Variants in EVI5 observed in about 807,000 individuals in gnomAD.
EVI5 encodes the protein ecotropic viral integration site 5, also known as ecotropic viral integration site 5 protein homolog.
A neutral mutation model predicts 112.0 loss-of-function variants in EVI5; 73 were observed. The ratio of observed to expected loss-of-function variants is 0.65; its 90% CI spans 0.54 to 0.79. The LOEUF (loss-of-function observed/expected upper bound fraction) is 0.79, where lower values mean the gene tolerates loss of function less well. EVI5 is among the 30% of genes least tolerant of loss of function. The probability of loss-of-function intolerance (pLI) is 0.00; values close to 1 mark genes in which losing one functional copy is unlikely to be tolerated. For missense variants in EVI5, 900 were observed against 968.8 expected, an observed-to-expected ratio of 0.93 and a Z score of 0.94; for synonymous variants, 305 against 319.9, an observed-to-expected ratio of 0.95 and a Z score of 0.50.
intron 16 of EVI5, among the ~76,000 whole-genome samples, chr1:92,613,525 G>C (rs1490595449): frequency 6.6e-6 from 1 of 152,012 alleles, no homozygotes; most frequent in Non-Finnish European, 1.5e-5. Flanking sequence ...CCTGACCTCA[G>C]GTCATCCACC....
intron 2 of EVI5, among the ~76,000 whole-genome samples, chr1:92,720,569 A>T (rs1394776602): frequency 6.6e-6 from 1 of 152,204 alleles, no homozygotes; most frequent in Non-Finnish European, 1.5e-5. Flanking sequence ...AACCATAAAA[A>T]CCCTAGAAGA....
chr1:92,634,252 C>G (rs1658188750), intron 14 of EVI5, among the ~76,000 whole-genome samples: 2 of 152,182 alleles, frequency 1.3e-5, no homozygotes, highest in African/African-American at 4.8e-5. Flanking sequence ...GGGAAGTTCT[C>G]CTGGATAATA....
chr1:92,597,774 C>T (rs1387277727), intron 18 of EVI5, among the ~76,000 whole-genome samples: 10 of 152,190 alleles, frequency 6.6e-5, no homozygotes, highest in African/African-American at 2.2e-4. Flanking sequence ...AATATAGCAA[C>T]GAGGCTGTGT....
At chr1:92,700,458 A>AT (rs545256971) in intron 5 of EVI5, among the ~76,000 whole-genome samples, 16 of 152,352 alleles carry the variant, frequency 1.1e-4, no homozygotes, top group Middle Eastern at 3.4e-3. Context: ...GCCCTGGGCC[A>AT]TAAGTGACTA....
chr1:92,607,511 C>G (rs778232525), intron 17 of EVI5, 70 bp downstream of exon 17: 4 of 1,096,518 alleles, frequency 3.6e-6, no homozygotes, highest in Non-Finnish European at 5.0e-6. Flanking sequence ...AATCTAATCA[C>G]GATAAAACAA....
At chr1:92,541,046 C>A (rs1451801981) in intron 19 of EVI5, among the ~76,000 whole-genome samples, 1 of 152,064 alleles carries the variant, frequency 6.6e-6, no homozygotes, top group Non-Finnish European at 1.5e-5. Context: ...TGCACTCCAG[C>A]CTGAGTGACA....
At chr1:92,775,875 G>A (rs1356756325) in intron 1 of EVI5, among the ~76,000 whole-genome samples, 2 of 152,082 alleles carry the variant, frequency 1.3e-5, no homozygotes, top group East Asian at 1.9e-4. Context: ...TTGGGAGGCC[G>A]AGGCAGGTGG....
chr1:92,702,251 T>TA, intron 4 of EVI5, 36 bp from the exon 5 acceptor site: 1 of 1,106,148 alleles, frequency 9.0e-7, no homozygotes. Context: ...AAATACATGG[T>TA]AAGTTATACC....
At chr1:92,773,482 C>T (rs1193445361) in intron 1 of EVI5, among the ~76,000 whole-genome samples, 5 of 152,040 alleles carry the variant, frequency 3.3e-5, no homozygotes, top group Non-Finnish European at 7.4e-5. Flanking sequence ...CAGAGCAAGA[C>T]CCCCAAAAAT....
intron 13 of EVI5, among the ~76,000 whole-genome samples, chr1:92,652,913 T>C (rs1264960848): frequency 2.0e-5 from 3 of 152,102 alleles, no homozygotes; most frequent in African/African-American, 7.2e-5. Context: ...CCCCGAGGGA[T>C]TTGGTATCTA....
chr1:92,686,760 C>T (rs1050368018), intron 9 of EVI5, among the ~76,000 whole-genome samples: 1 of 151,188 alleles, frequency 6.6e-6, no homozygotes, highest in African/African-American at 2.4e-5. Flanking sequence ...AATAGACAAA[C>T]AGCCAAATCA....
chr1:92,771,329 C>A (rs1683380174), intron 1 of EVI5, among the ~76,000 whole-genome samples: 2 of 152,038 alleles, frequency 1.3e-5, no homozygotes, highest in Admixed American at 6.6e-5. Context: ...ACACACACTC[C>A]CAGAGATATC....
At chr1:92,787,200 A>G (rs1199842617), upstream of EVI5, among the ~76,000 whole-genome samples, 2 of 152,232 alleles carry the variant, frequency 1.3e-5, no homozygotes, top group Non-Finnish European at 2.9e-5. Flanking sequence ...GCTAAAACTT[A>G]AACTAAATTT....
At chr1:92,591,849 A>T (rs1261112628) in intron 18 of EVI5, among the ~76,000 whole-genome samples, 2 of 152,238 alleles carry the variant, frequency 1.3e-5, no homozygotes, top group Admixed American at 6.5e-5. Flanking sequence ...AATTGACCAT[A>T]TAGTTGGAAG....
At chr1:92,784,658 G>C (rs1685373600) in intron 1 of EVI5, among the ~76,000 whole-genome samples, 178 bp downstream of exon 1, 1 of 152,058 alleles carries the variant, frequency 6.6e-6, no homozygotes, top group Non-Finnish European at 1.5e-5. Context: ...CGACAGGCGA[G>C]GAAGCGAGTG....
intron 1 of EVI5, among the ~76,000 whole-genome samples, chr1:92,779,990 G>A (rs1005064637): frequency 2.6e-5 from 4 of 152,126 alleles, no homozygotes; most frequent in African/African-American, 7.2e-5. Context: ...CTGGTGATAC[G>A]ATTTGGCTCT....
At chr1:92,658,867 T>C (rs903186770) in intron 13 of EVI5, among the ~76,000 whole-genome samples, 8 of 152,134 alleles carry the variant, frequency 5.3e-5, no homozygotes, top group Non-Finnish European at 8.8e-5. Flanking sequence ...AGCATGGTAC[T>C]GGTATTAAAA....
At chr1:92,611,378 T>C (rs1651758624) in intron 16 of EVI5, among the ~76,000 whole-genome samples, 1 of 151,764 alleles carries the variant, frequency 6.6e-6, no homozygotes, top group African/African-American at 2.4e-5. Flanking sequence ...AGCTAAACTA[T>C]CATACAAGAA....
rs199716793 is a variant in EVI5, at chr1:92,513,914, G to C, written c.2223C>G (p.Ile741Met). Residue 741 changes from isoleucine to methionine, a missense_variant, in exon 20 of 20, where the codon ATC (isoleucine) becomes ATG (methionine). Ile to Met is a conservative substitution (Grantham distance 10, BLOSUM62 1). Transcript: ENST00000684568. ...GFSGQPPFDG[I>M]HIVNHLIGDD... ...CTCCTATTAAATGGTTGACAATGTGGATTCCATCAAAAGGAGGTTGGCCTG... is the reference window on the plus strand; with the variant it reads ...CTCCTATTAAATGGTTGACAATGTGCATTCCATCAAAAGGAGGTTGGCCTG... 2.5e-6 allele frequency: 4 copies of C among 1,600,928 alleles called. No individual in the cohort carries two copies.
Sources: allele counts gnomAD v4.1 joint callset (sites outside exome capture counted in the v4.1 genomes callset), GRCh38; gene constraint gnomAD v4.1.1; transcripts MANE v1.5; gene names NCBI Gene and HGNC (gene_info 2026-07-23, HGNC 2026-07-21).